MED27: variants seen among roughly 807,000 people sequenced by gnomAD.
MED27 encodes the protein mediator of RNA polymerase II transcription subunit 27.
A neutral mutation model predicts 38.2 loss-of-function variants in MED27; 30 were observed. The ratio of observed to expected loss-of-function variants is 0.79; its 90% CI spans 0.59 to 1.07. The LOEUF (loss-of-function observed/expected upper bound fraction) is 1.07, where lower values mean the gene tolerates loss of function less well. Among genes scored for constraint, MED27 ranks in the 50% least tolerant of loss-of-function variants. The pLI is 0.00. For synonymous variants in MED27, 122 were observed against 153.5 expected (o/e 0.79, Z 1.52); for missense variants, 289 against 397.5 (o/e 0.73, Z 2.32).
intron 2 of MED27, 63 bp downstream of exon 2, chr9:132,077,379 T>C: frequency 3.4e-6 from 5 of 1,460,414 alleles, no homozygotes; most frequent in Non-Finnish European, 3.8e-6. Context: ...GCTTTCTGCA[T>C]GTATGGAATA....
chr9:131,872,057 C>T lies in MED27; in HGVS notation c.724-8917G>A, dbSNP rs936830721. Among the ~76,000 whole-genome samples the T allele has an allele frequency of 6.6e-5, 10 of 152,180 alleles. No homozygotes were observed. Among genetic ancestry groups the T allele is most frequent in the Admixed American group, 5.9e-4 (9 of 15,278 alleles). On this transcript the variant is annotated intron_variant, in intron 6 of 7. Transcript: ENST00000292035. This position sits in a 1 kb window ranked among gnomAD's most constrained non-coding sequence, Gnocchi z 5.6. ...GCTCCTGGGCCGGAGTGGAGGCTGG[C>T]GACGCAGCATGCAGGTGAGGAACAG...
intron 3 of MED27, among the ~76,000 whole-genome samples, chr9:131,980,855 A>C (rs1286885332): frequency 6.6e-6 from 1 of 152,222 alleles, no homozygotes; most frequent in Non-Finnish European, 1.5e-5. Context: ...GACAGCAGGC[A>C]GCATAGACAC....
In MED27 at chr9:132,051,923, A is replaced by C. The variant is rs1019744843; in HGVS notation, c.348+25519T>G. On this transcript the variant is annotated intron_variant, in intron 2 of 7. Coordinates refer to ENST00000292035, the MANE Select transcript of MED27 (RefSeq NM_004269.4). The surrounding 1 kb of genome is among the most constrained non-coding windows in gnomAD (Gnocchi z 4.2). ...CTTGCCATTTTAACTACGATGAGAA[A>C]GTTTAGCTTATAATAGTTGATCAAA... 3.9e-5 allele frequency among the ~76,000 whole-genome samples: 6 copies of C among 152,194 alleles called. No homozygotes were observed. Among genetic ancestry groups the C allele is most frequent in the Admixed American group, 3.9e-4 (6 of 15,276 alleles).
intron 2 of MED27, among the ~76,000 whole-genome samples, chr9:132,076,647 A>G (rs953352667): frequency 6.6e-5 from 10 of 152,192 alleles, no homozygotes; most frequent in African/African-American, 2.2e-4. Context: ...TCAAAGAGGC[A>G]GCACAGTATA....
At chr9:132,023,739 G>A (rs1832763404) in intron 2 of MED27, among the ~76,000 whole-genome samples, 1 of 152,116 alleles carries the variant, frequency 6.6e-6, no homozygotes, top group African/African-American at 2.4e-5. Context: ...CACGGAAGGA[G>A]ACAGGAAAAC....
At chr9:131,999,395 GA>G (rs927245663) in intron 3 of MED27, among the ~76,000 whole-genome samples, 2 of 152,152 alleles carry the variant, frequency 1.3e-5, no homozygotes, top group African/African-American at 4.8e-5. Context: ...CCCAAGTCTG[GA>G]AAAGTCTCTT....
At chr9:132,017,985 C>T (rs1334138351) in intron 2 of MED27, among the ~76,000 whole-genome samples, 1 of 152,154 alleles carries the variant, frequency 6.6e-6, no homozygotes, top group Non-Finnish European at 1.5e-5. Flanking sequence ...CAGGCAGGGT[C>T]CTGACGAAAT....
At chr9:131,993,787 G>A (rs1319814098) in intron 3 of MED27, among the ~76,000 whole-genome samples, 1 of 152,126 alleles carries the variant, frequency 6.6e-6, no homozygotes, top group Non-Finnish European at 1.5e-5. Flanking sequence ...GTCTGTGTGG[G>A]GTCTGCAGGC....
chr9:131,940,532 C>T (rs545984100), intron 3 of MED27, among the ~76,000 whole-genome samples: 1 of 152,280 alleles, frequency 6.6e-6, no homozygotes, highest in African/African-American at 2.4e-5. Flanking sequence ...TCTCATGCCT[C>T]AGCCTCCCAG....
rs202048467 is a variant in MED27 at position 132,014,720 on chromosome 9, G to A, written c.349-253C>T. ...ATGAAAAACTGGAAGCAGTCGGAATGTCCAACAACTGACTGTGAAATTGAT... is the reference window on the plus strand; with the variant it reads ...ATGAAAAACTGGAAGCAGTCGGAATATCCAACAACTGACTGTGAAATTGAT... On this transcript the variant is annotated intron_variant, in intron 2 of 7. Transcript: ENST00000292035. Among the ~76,000 whole-genome samples the A allele has an allele frequency of 3.0e-3, 441 of 147,670 alleles. 1 individual carries two copies. The highest frequency in any genetic ancestry group is 0.01 in the African/African-American group (408 of 40,558).
chr9:132,066,933 G>T (rs1209751292), intron 2 of MED27, among the ~76,000 whole-genome samples: 1 of 152,218 alleles, frequency 6.6e-6, no homozygotes, highest in Non-Finnish European at 1.5e-5. Context: ...CTCACTCCCA[G>T]GCCTCCTGCC....
intron 3 of MED27, among the ~76,000 whole-genome samples, chr9:132,010,611 A>T (rs1832465357): frequency 6.6e-6 from 1 of 152,232 alleles, no homozygotes. Flanking sequence ...TATTCACAAT[A>T]GCAAAGACTT....
intron 5 of MED27, among the ~76,000 whole-genome samples, chr9:131,886,328 C>T (rs1184906987): frequency 6.6e-6 from 1 of 152,158 alleles, no homozygotes; most frequent in Non-Finnish European, 1.5e-5. Context: ...GAGAGGAACT[C>T]CATGAGTTCA....
intron 2 of MED27, among the ~76,000 whole-genome samples, chr9:132,039,202 A>G (rs1405707006): frequency 6.6e-6 from 1 of 152,132 alleles, no homozygotes. Flanking sequence ...CTATTAAGAG[A>G]TTTGCCGTAC....
chr9:131,959,246 A>T (rs1831164055), intron 3 of MED27, among the ~76,000 whole-genome samples: 1 of 151,762 alleles, frequency 6.6e-6, no homozygotes, highest in South Asian at 2.1e-4. Flanking sequence ...TTCTTTCATA[A>T]GGTGGCTGTG....
intron 2 of MED27, among the ~76,000 whole-genome samples, chr9:132,064,967 G>A (rs1002069806): frequency 6.6e-6 from 1 of 152,158 alleles, no homozygotes; most frequent in Non-Finnish European, 1.5e-5. Context: ...GTCCTCTGTC[G>A]ACCAGGAAGG....
At chr9:131,946,747 T>G (rs73658158) in intron 3 of MED27, among the ~76,000 whole-genome samples, 75 of 152,328 alleles carry the variant, frequency 4.9e-4, no homozygotes, top group African/African-American at 1.8e-3. Context: ...TCTTGGACAC[T>G]GTGCACACTC....
intron 3 of MED27, among the ~76,000 whole-genome samples, chr9:131,974,533 T>C (rs1235520188): frequency 6.6e-6 from 1 of 152,178 alleles, no homozygotes; most frequent in East Asian, 1.9e-4. Context: ...CCTTGGAGAT[T>C]GCAAAGTTTA....
intron 2 of MED27, among the ~76,000 whole-genome samples, chr9:132,070,011 C>T (rs1833900814): frequency 6.6e-6 from 1 of 152,232 alleles, no homozygotes; most frequent in Non-Finnish European, 1.5e-5. Context: ...CTCAGATGTG[C>T]TCAATGCCTT....
Sources: gnomAD v4.1 joint callset for allele counts (sites outside exome capture counted in the v4.1 genomes callset) on GRCh38, gnomAD v4.1.1 for gene constraint, Gnocchi (gnomAD v3.1) non-coding constraint, MANE v1.5 for transcripts, NCBI Gene and HGNC (gene_info 2026-07-23, HGNC 2026-07-21) for gene names.